The following PRTG variants were observed in gnomAD, a reference collection of about 807,000 sequenced individuals.
PRTG encodes the protein protogenin, also known as immunoglobulin superfamily, DCC subclass, member 5.
Under a neutral mutation model 122.5 loss-of-function variants are expected in PRTG, and 67 were observed. The observed-to-expected ratio is 0.55, with a 90% CI of 0.45 to 0.67. The LOEUF (loss-of-function observed/expected upper bound fraction) is 0.67, where lower values mean the gene tolerates loss of function less well. PRTG is among the 30% of genes least tolerant of loss of function. PRTG has a pLI of 0.00. For missense variants in PRTG, 1,435 were observed against 1,415.4 expected (o/e 1.01, Z -0.22); for synonymous variants, 554 against 501.1 (o/e 1.11, Z -1.41).
rs1037777736 is a variant in PRTG, at chr15:55,631,740, A to G, written c.2624-2736T>C. 5.3e-5 allele frequency among the ~76,000 whole-genome samples: 8 copies of G among 152,204 alleles called. No homozygotes were observed. In the East Asian group the frequency reaches 1.5e-3, roughly 29 times the overall value. On this transcript the variant is annotated intron_variant, in intron 15 of 19. Transcript: ENST00000389286. ...ATCTCGTCATGTAACCAAGCGAGCA[A>G]TTTCTAACTTGGGGCACGTTACTGA...
chr15:55,671,748 G>A (rs1460930942), intron 11 of PRTG, among the ~76,000 whole-genome samples: 11 of 152,062 alleles, frequency 7.2e-5, no homozygotes, highest in African/African-American at 2.7e-4. Flanking sequence ...AGATCCACCC[G>A]CGTTGGCCTC....
At chr15:55,707,880 AG>A (rs2030197750) in intron 2 of PRTG, among the ~76,000 whole-genome samples, 1 of 152,212 alleles carries the variant, frequency 6.6e-6, no homozygotes, top group Non-Finnish European at 1.5e-5. Context: ...CTTTGTGCAG[AG>A]TTCTATTCAC....
intron 15 of PRTG, among the ~76,000 whole-genome samples, chr15:55,630,607 A>G (rs1453070738): frequency 2.0e-5 from 3 of 152,202 alleles, no homozygotes; most frequent in Non-Finnish European, 2.9e-5. Context: ...TTTGATATCT[A>G]AAGGTATTTT....
Position 55,637,217 on chromosome 15 carries a change from G to C in PRTG, c.2576C>G (p.Ser859Cys). The change falls in exon 15 of 20, where the codon TCT becomes TGT. Residue 859 changes from serine (S) to cysteine (C), a missense_variant. Physicochemically the swap from Ser to Cys is moderately radical, Grantham distance 112. Coordinates refer to ENST00000389286, the MANE Select transcript of PRTG (RefSeq NM_173814.6). ...VVTRYTILYA[S>C]RKAWIAGEWQ... ...CTCTCCTGCAATCCAGGCCTTCCTA[G>C]ATGCATATAAGATAGTATAGCGGGT... 1 of 1,612,048 alleles carries C rather than the reference G, an allele frequency of 6.2e-7. No homozygotes were observed. The highest frequency in any genetic ancestry group is 8.5e-7 in the Non-Finnish European group (1 of 1,179,246).
chr15:55,655,003 G>A (rs2059372522), intron 11 of PRTG: 1 of 152,172 alleles, frequency 6.6e-6, no homozygotes, highest in Non-Finnish European at 1.5e-5. Context: ...TGAGAAAGAT[G>A]CAGATAGCTT....
chr15:55,622,112 CT>C (rs2059169309), intron 18 of PRTG, among the ~76,000 whole-genome samples: 2 of 151,774 alleles, frequency 1.3e-5, no homozygotes, highest in Non-Finnish European at 2.9e-5. Flanking sequence ...ACTTTAGTTT[CT>C]TTTTTTCCCT....
In PRTG at chr15:55,619,656, T is replaced by C. The variant is rs534793478; in HGVS notation, c.*356A>G. ...CCCTTTGCTCCAGTGATATATTTTA[T>C]AATCCAGTCAAACATCTCGACCGTT... On this transcript the variant is annotated 3_prime_UTR_variant, in exon 20 of 20. Coordinates refer to ENST00000389286, the MANE Select transcript of PRTG (RefSeq NM_173814.6). 9.4e-5 allele frequency: 19 copies of C among 202,470 alleles called. No homozygotes were observed. The South Asian group carries it at 1.0e-3, about 11-fold the overall frequency. 12.5% of individuals were successfully genotyped at this position (202,470 alleles called of 1,614,324 possible).
chr15:55,724,778 T>G (rs1297002633), intron 2 of PRTG, among the ~76,000 whole-genome samples: 1 of 144,528 alleles, frequency 6.9e-6, no homozygotes, highest in African/African-American at 2.6e-5. Flanking sequence ...AAAAATAAAA[T>G]AAAAAGAAAA....
rs549018291 is a variant in PRTG at position 55,617,512 on chromosome 15, G to T, written c.*2500C>A. On this transcript the variant is annotated 3_prime_UTR_variant, in exon 20 of 20. Transcript: ENST00000389286. ...TAAATGCTTCTAGTTAATTCAATTT[G>T]GGGGGAATTATAATCAAAATTTTAT... 6.6e-6 allele frequency: 1 copy of T among 152,036 alleles called. No individual in the cohort carries two copies. The highest frequency in any genetic ancestry group is 2.1e-4 in the South Asian group (1 of 4,820). 9.4% of individuals were successfully genotyped at this position (152,036 alleles called of 1,614,324 possible).
chr15:55,699,490 T>C (rs2059650230), intron 2 of PRTG, among the ~76,000 whole-genome samples: 1 of 152,224 alleles, frequency 6.6e-6, no homozygotes, highest in Non-Finnish European at 1.5e-5. Flanking sequence ...CAATTGGCTA[T>C]GATGGCAATT....
At position 55,680,154 on chromosome 15, in the gene PRTG, T is replaced by G. The variant is rs769933982; in HGVS notation, c.873A>C (p.Ile291=). 1 of 1,612,304 alleles carries G rather than the reference T, an allele frequency of 6.2e-7. No individual in the cohort carries two copies. The highest frequency in any genetic ancestry group is 1.1e-5 in the South Asian group (1 of 91,028). The change falls in exon 6 of 20, where the codon ATA becomes ATC. Residue 291 remains isoleucine (I), a synonymous_variant. Transcript: ENST00000389286. ...CAGCATGTTGTAGCCTGACATCAGA[T>G]ATCATGAGATTACCATTTCCAAGTA... ...TRVLGNGNLM[I]SDVRLQHAGV... is the part of the protein sequence containing the mutation.
At chr15:55,636,628 AG>A (rs1460712376) in intron 15 of PRTG, among the ~76,000 whole-genome samples, 1 of 151,866 alleles carries the variant, frequency 6.6e-6, no homozygotes, top group East Asian at 1.9e-4. Context: ...TCTAATCTCC[AG>A]TTGGCCTCAA....
Position 55,620,670 on chromosome 15 carries a change from A to C in PRTG, c.3191T>G (p.Val1064Gly). Residue 1064 changes from valine to glycine, a missense_variant, in exon 19 of 20, where the codon GTT becomes GGT. Transcript: ENST00000389286. ...FFFQDSKKIQ[V>G]EQPQRRFTPA... Reference sequence around the variant, plus strand: ...CTCATTTAGATAGGTTACCTGCTCAACTTGTATCTTCTTTGAGTCTTGGAA... The same window carrying C: ...CTCATTTAGATAGGTTACCTGCTCACCTTGTATCTTCTTTGAGTCTTGGAA... 6.3e-7 allele frequency: 1 copy of C among 1,591,314 alleles called. No homozygotes were observed. Among genetic ancestry groups the C allele is most frequent in the Non-Finnish European group, 8.5e-7 (1 of 1,174,586 alleles).
chr15:55,739,086 G>A (rs2031529805), intron 2 of PRTG, among the ~76,000 whole-genome samples: 1 of 152,012 alleles, frequency 6.6e-6, no homozygotes, highest in South Asian at 2.1e-4. Flanking sequence ...AAATATCTTT[G>A]CTTGCAATTT....
At chr15:55,704,188 G>A (rs2029994510) in intron 2 of PRTG, among the ~76,000 whole-genome samples, 1 of 152,134 alleles carries the variant, frequency 6.6e-6, no homozygotes, top group Admixed American at 6.6e-5. Flanking sequence ...CCTTTCTTAT[G>A]CCTTGTTGTC....
intron 2 of PRTG, among the ~76,000 whole-genome samples, chr15:55,712,184 T>C (rs189516934): frequency 1.3e-5 from 2 of 152,356 alleles, no homozygotes; most frequent in East Asian, 1.9e-4. Context: ...GAATCTTTTC[T>C]TCCTACACTG....
At chr15:55,717,658 T>C (rs2030647764) in intron 2 of PRTG, among the ~76,000 whole-genome samples, 1 of 152,262 alleles carries the variant, frequency 6.6e-6, no homozygotes, top group African/African-American at 2.4e-5. Context: ...AATGTCCTTC[T>C]ATTACTTAAT....
intron 2 of PRTG, among the ~76,000 whole-genome samples, chr15:55,686,383 G>A (rs966413101): frequency 6.6e-6 from 1 of 151,980 alleles, no homozygotes; most frequent in Non-Finnish European, 1.5e-5. Context: ...TACCTCTCCA[G>A]ACTGAAATAT....
chr15:55,665,083 G>A (rs996468407), intron 11 of PRTG, among the ~76,000 whole-genome samples: 14 of 151,516 alleles, frequency 9.2e-5, no homozygotes, highest in South Asian at 2.1e-4. Context: ...ACGGTGAAAC[G>A]TCATCTCCAC....
Sources: gnomAD v4.1 joint callset for allele counts (sites outside exome capture counted in the v4.1 genomes callset) on GRCh38, gnomAD v4.1.1 for gene constraint, MANE v1.5 for transcripts, NCBI Gene and HGNC (gene_info 2026-07-23, HGNC 2026-07-21) for gene names.